Variants in DOCK5 observed in about 807,000 individuals in gnomAD.
The protein encoded by DOCK5 is dedicator of cytokinesis protein 5.
A neutral mutation model predicts 251.8 loss-of-function variants in DOCK5; 142 were observed. The ratio of observed to expected loss-of-function variants is 0.56; its 90% CI spans 0.49 to 0.65. The LOEUF (loss-of-function observed/expected upper bound fraction) is 0.65, where lower values mean the gene tolerates loss of function less well. Ranked by LOEUF, DOCK5 falls within the 30% of genes least tolerant of loss-of-function variation. The pLI is 0.00. For missense variants in DOCK5, 2,111 were observed against 2,312.3 expected (o/e 0.91, Z 1.79); for synonymous variants, 842 against 835.5 (o/e 1.01, Z -0.13).
Position 25,377,343 on chromosome 8 carries a change from G to A in DOCK5, c.3855G>A (p.Lys1285=), listed in dbSNP as rs747578150. 1.9e-4 allele frequency: 307 copies of A among 1,613,192 alleles called. No homozygotes were observed. The highest frequency in any genetic ancestry group is 2.3e-4 in the Non-Finnish European group (270 of 1,179,516). The change falls in exon 38 of 52, where the codon AAG becomes AAA. Residue 1285 remains lysine (K), a synonymous_variant. Coordinates refer to ENST00000276440, the MANE Select transcript of DOCK5 (RefSeq NM_024940.8). ...DKPCVPHLLQ[K]DSYYVYTQQE... is the part of the protein sequence containing the mutation. ...CCTGTGTGCCTCATTTGCTTCAGAA[G>A]GACAGTTACTATGTTTATACCCAGC...
chr8:25,327,950 G>A (rs1008163208), intron 18 of DOCK5, among the ~76,000 whole-genome samples: 8 of 140,924 alleles, frequency 5.7e-5, no homozygotes, highest in East Asian at 4.5e-4. Flanking sequence ...CCCTTCTACC[G>A]TGTGTGTGTG....
rs1359425962 is a variant in DOCK5 at position 25,367,195 on chromosome 8, A to G, written c.3224+225A>G. Among the ~76,000 whole-genome samples, 4 of 152,152 alleles carry G rather than the reference A, an allele frequency of 2.6e-5. No individual in the cohort carries two copies. In the East Asian group the frequency reaches 7.7e-4, roughly 29 times the overall value. ...ATCAGTCATCCCATGCTTTTTATCA[A>G]ATCTGTACCTGGAGACGGACCTTGG... On this transcript the variant is annotated intron_variant, in intron 31 of 51. Coordinates refer to ENST00000276440, the MANE Select transcript of DOCK5 (RefSeq NM_024940.8).
intron 33 of DOCK5, 97 bp from the exon 34 acceptor site, chr8:25,369,459 C>T (rs1402655485): frequency 6.9e-6 from 7 of 1,011,188 alleles, no homozygotes; most frequent in Non-Finnish European, 1.0e-5. Flanking sequence ...GGAAACAGTT[C>T]ACAACTCAGC....
intron 13 of DOCK5, among the ~76,000 whole-genome samples, chr8:25,314,693 T>TCCAC (rs1338519271): frequency 6.9e-6 from 1 of 144,068 alleles, no homozygotes; most frequent in Non-Finnish European, 1.5e-5. Flanking sequence ...TATCCATCCA[T>TCCAC]CCATCCATCC....
intron 2 of DOCK5, among the ~76,000 whole-genome samples, chr8:25,257,801 G>A (rs563715181): frequency 1.3e-4 from 20 of 152,194 alleles, no homozygotes; most frequent in East Asian, 3.9e-4. Flanking sequence ...TTCGTCTTTC[G>A]AAGTCATGCT....
At chr8:25,220,205 G>A (rs1802348623) in intron 1 of DOCK5, among the ~76,000 whole-genome samples, 1 of 151,704 alleles carries the variant, frequency 6.6e-6, no homozygotes, top group Admixed American at 6.6e-5. Context: ...CTTTGTGTGT[G>A]TGTGTGTATA....
chr8:25,225,112 G>C (rs935002937), intron 1 of DOCK5, among the ~76,000 whole-genome samples: 21 of 152,196 alleles, frequency 1.4e-4, no homozygotes, highest in Admixed American at 1.4e-3. Context: ...GGTCATCCAG[G>C]ATGTGGAGAA....
At position 25,410,159 on chromosome 8, in the gene DOCK5, C is replaced by T. The variant is rs193082074; in HGVS notation, c.5465C>T (p.Pro1822Leu). ...ACTCCTGTCCCACCTCCACCTCCCCCCAAAAGCAAGCCCTATGAAGGCAGC... is the reference window on the plus strand; with the variant it reads ...ACTCCTGTCCCACCTCCACCTCCCCTCAAAAGCAAGCCCTATGAAGGCAGC... ...AATPVPPPPP[P>L]KSKPYEGSQR... The change falls in exon 51 of 52, where the codon CCC (proline) becomes CTC (leucine). Residue 1822 changes from proline to leucine, a missense_variant. Transcript: ENST00000276440. 2.5e-6 allele frequency: 4 copies of T among 1,613,684 alleles called. No homozygotes were observed. The highest frequency in any genetic ancestry group is 1.1e-5 in the South Asian group (1 of 91,044).
In DOCK5 at chr8:25,411,595, C is replaced by T. The variant is rs1156346778; in HGVS notation, c.*297C>T. The T allele has an allele frequency of 1.8e-5, 5 of 276,602 alleles. No individual in the cohort carries two copies. Among genetic ancestry groups the T allele is most frequent in the Non-Finnish European group, 3.3e-5 (5 of 149,488 alleles). 17.1% of individuals were successfully genotyped at this position (276,602 alleles called of 1,614,324 possible). Reference sequence around the variant, plus strand: ...TAAATGTCAGCCTGTACGGCAGAGACATGGTGGTCTGCACAAGCCTGGACA... The same window carrying T: ...TAAATGTCAGCCTGTACGGCAGAGATATGGTGGTCTGCACAAGCCTGGACA... On this transcript the variant is annotated 3_prime_UTR_variant, in exon 52 of 52. Transcript: ENST00000276440.
chr8:25,203,924 G>C (rs1366109847), intron 1 of DOCK5, among the ~76,000 whole-genome samples: 1 of 151,830 alleles, frequency 6.6e-6, no homozygotes, highest in African/African-American at 2.4e-5. Flanking sequence ...TCCTAAAATT[G>C]CTCCTCAACA....
chr8:25,192,083 C>T (rs1345025327), intron 1 of DOCK5, among the ~76,000 whole-genome samples: 2 of 152,040 alleles, frequency 1.3e-5, no homozygotes, highest in Non-Finnish European at 2.9e-5. Flanking sequence ...CATGTCTGTC[C>T]CTGCAAAGGA....
rs7836789 is a variant in DOCK5, at chr8:25,229,220, G to A, written c.44-14454G>A. 5.8e-3 allele frequency among the ~76,000 whole-genome samples: 882 copies of A among 152,274 alleles called. 7 individuals carry two copies. The highest frequency in any genetic ancestry group is 0.02 in the African/African-American group (848 of 41,552). On this transcript the variant is annotated intron_variant, in intron 1 of 51. Coordinates refer to ENST00000276440, the MANE Select transcript of DOCK5 (RefSeq NM_024940.8). ...CTTGGAGCCAGGTGCAGTGGCTCAC[G>A]TCTGTAATCGCAGCACTTTGGGAGG...
At chr8:25,264,102 C>G (rs866186876) in intron 2 of DOCK5, among the ~76,000 whole-genome samples, 3 of 151,996 alleles carry the variant, frequency 2.0e-5, no homozygotes, top group Middle Eastern at 6.8e-3. Context: ...GTGGCTCATG[C>G]CTATAATCCT....
intron 5 of DOCK5, among the ~76,000 whole-genome samples, chr8:25,282,230 C>CTT (rs1352155622): frequency 6.9e-6 from 1 of 145,868 alleles, no homozygotes; most frequent in South Asian, 2.2e-4. Flanking sequence ...GTGGCTTTCT[C>CTT]TTTTTTTTTT....
chr8:25,227,371 G>T (rs1563315442), intron 1 of DOCK5, among the ~76,000 whole-genome samples: 1 of 145,650 alleles, frequency 6.9e-6, no homozygotes, highest in Non-Finnish European at 1.5e-5. Context: ...GTCTAATTTT[G>T]TTTTTTTTTC....
chr8:25,187,277 A>G (rs1586211290), intron 1 of DOCK5, among the ~76,000 whole-genome samples: 1 of 148,416 alleles, frequency 6.7e-6, no homozygotes, highest in Admixed American at 6.8e-5. Flanking sequence ...ACACACATAT[A>G]TGTATATATG....
At chr8:25,293,314 T>C (rs759897661) in intron 6 of DOCK5, among the ~76,000 whole-genome samples, 5 of 152,204 alleles carry the variant, frequency 3.3e-5, no homozygotes, top group Non-Finnish European at 7.3e-5. Context: ...ATGCCACTTA[T>C]TTAAATGTCA....
chr8:25,196,955 T>G (rs757294018), intron 1 of DOCK5, among the ~76,000 whole-genome samples: 1 of 152,140 alleles, frequency 6.6e-6, no homozygotes, highest in African/African-American at 2.4e-5. Context: ...TCCCAGCACT[T>G]TAGGAGGCTG....
rs1801686977 is a variant in DOCK5 at position 25,415,051 on chromosome 8, T to C, written c.*3753T>C. 1 of 152,156 alleles carries C rather than the reference T, an allele frequency of 6.6e-6. No individual in the cohort carries two copies. The highest frequency in any genetic ancestry group is 1.5e-5 in the Non-Finnish European group (1 of 68,024). 9.4% of individuals were successfully genotyped at this position (152,156 alleles called of 1,614,324 possible). On this transcript the variant is annotated 3_prime_UTR_variant, in exon 52 of 52. Coordinates refer to ENST00000276440, the MANE Select transcript of DOCK5 (RefSeq NM_024940.8). ...TTCTGTACAAAGGCTTTGAGGTCCA[T>C]GGACTATACTTGTCCCATTTATCAT...
Sources: allele counts gnomAD v4.1 joint callset (sites outside exome capture counted in the v4.1 genomes callset), GRCh38; gene constraint gnomAD v4.1.1; transcripts MANE v1.5; gene names NCBI Gene and HGNC (gene_info 2026-07-23, HGNC 2026-07-21).